GPHN: variants seen among roughly 807,000 people sequenced by gnomAD.
GPHN encodes gephyrin.
A neutral mutation model predicts 95.5 loss-of-function variants in GPHN; 17 were observed. That is an observed-to-expected ratio of 0.18 (90% confidence interval 0.12 to 0.27). GPHN has a LOEUF of 0.27. Among genes scored for constraint, GPHN ranks in the 10% least tolerant of loss-of-function variants. The probability of loss-of-function intolerance (pLI) is 1.00; values close to 1 mark genes in which losing one functional copy is unlikely to be tolerated. For missense variants in GPHN, 660 were observed against 978.1 expected, an observed-to-expected ratio of 0.67 and a Z score of 4.34; for synonymous variants, 320 against 322.5, an observed-to-expected ratio of 0.99 and a Z score of 0.08.
chr14:66,526,778 T>G (rs910003047), intron 1 of GPHN, among the ~76,000 whole-genome samples: 4 of 152,202 alleles, frequency 2.6e-5, no homozygotes, highest in African/African-American at 9.7e-5. Flanking sequence ...AGATTACATT[T>G]ATTGATTTGT....
At chr14:66,887,714 C>T (rs943199857) in intron 5 of GPHN, among the ~76,000 whole-genome samples, 9 of 152,074 alleles carry the variant, frequency 5.9e-5, no homozygotes, top group African/African-American at 2.2e-4. Flanking sequence ...AGAAAAATTA[C>T]AAGGCATATC....
At chr14:66,537,444 AT>A (rs372073957) in intron 1 of GPHN, among the ~76,000 whole-genome samples, 3 of 150,812 alleles carry the variant, frequency 2.0e-5, no homozygotes, top group African/African-American at 2.5e-5. Flanking sequence ...ATAAATCTTG[AT>A]TTTTTTTAGT....
the GPHN span, among the ~76,000 whole-genome samples, chr14:67,274,368 A>G: frequency 6.6e-6 from 1 of 152,204 alleles, no homozygotes; most frequent in Non-Finnish European, 1.5e-5. Context: ...AGCACCATTT[A>G]TTAAATAGGG....
intron 20 of GPHN, among the ~76,000 whole-genome samples, chr14:67,168,106 A>G (rs117382735): frequency 0.012 from 1,833 of 152,352 alleles, 19 homozygotes; most frequent in Non-Finnish European, 0.018. Context: ...GTATTTTCTT[A>G]CAGTTCTGGA....
chr14:67,288,009 G>A, the GPHN span, among the ~76,000 whole-genome samples: 1 of 152,172 alleles, frequency 6.6e-6, no homozygotes, highest in Non-Finnish European at 1.5e-5. Context: ...ATGGCTGCTT[G>A]TTGATTTCAG....
the GPHN span, among the ~76,000 whole-genome samples, chr14:67,684,335 G>A: frequency 2.6e-5 from 4 of 152,124 alleles, no homozygotes; most frequent in African/African-American, 4.8e-5. Flanking sequence ...GTGATGCCTG[G>A]GATTTGCTTC....
chr14:67,558,669 T>G, the GPHN span, among the ~76,000 whole-genome samples: 1 of 152,338 alleles, frequency 6.6e-6, no homozygotes, highest in Non-Finnish European at 1.5e-5. Flanking sequence ...TCAAGAGACC[T>G]GGTTTTAGTC....
chr14:66,654,810 T>C (rs2065225747), intron 1 of GPHN, among the ~76,000 whole-genome samples: 1 of 152,198 alleles, frequency 6.6e-6, no homozygotes, highest in East Asian at 1.9e-4. Context: ...AATGTCCATT[T>C]TGAGTTATTT....
the GPHN span, chr14:67,733,905 C>A: frequency 7.5e-7 from 1 of 1,326,996 alleles, no homozygotes; most frequent in Non-Finnish European, 1.1e-6. Context: ...GAACAGGGAC[C>A]AAGGAGAAGG....
At chr14:67,684,958 C>T in the GPHN span, 2 of 1,465,926 alleles carry the variant, frequency 1.4e-6, no homozygotes, top group Non-Finnish European at 1.8e-6. Context: ...CCAGACAAAC[C>T]CAAATTATCT....
intron 1 of GPHN, among the ~76,000 whole-genome samples, chr14:66,555,640 T>C (rs2059981964): frequency 6.6e-6 from 1 of 152,152 alleles, no homozygotes; most frequent in Non-Finnish European, 1.5e-5. Flanking sequence ...AAAAAAATCC[T>C]GTGAAATAGA....
chr14:67,218,461 G>C, the GPHN span, among the ~76,000 whole-genome samples: 12 of 152,198 alleles, frequency 7.9e-5, no homozygotes, highest in African/African-American at 2.9e-4. Flanking sequence ...CAGCCTGTGG[G>C]CTGTTTCTGA....
chr14:67,533,001 C>T, the GPHN span, among the ~76,000 whole-genome samples: 677 of 152,284 alleles, frequency 4.4e-3, 4 homozygotes, highest in African/African-American at 0.016. Flanking sequence ...ACCCCGCCGC[C>T]CTCCCTGCCG....
the GPHN span, chr14:67,333,516 G>T: frequency 6.6e-6 from 1 of 152,516 alleles, no homozygotes; most frequent in Non-Finnish European, 1.5e-5. Flanking sequence ...AAGCTACTTT[G>T]TTAGGCTTGA....
chr14:67,360,381 G>C, the GPHN span: 5 of 396,438 alleles, frequency 1.3e-5, no homozygotes, highest in Admixed American at 8.8e-5. Flanking sequence ...GGCCGGTGAG[G>C]GGGAAGCAAG....
intron 11 of GPHN, among the ~76,000 whole-genome samples, chr14:67,071,979 G>T (rs2076329716): frequency 6.6e-6 from 1 of 151,924 alleles, no homozygotes; most frequent in Non-Finnish European, 1.5e-5. Context: ...TATACTTGTG[G>T]TTAAAATAAG....
At chr14:67,201,671 T>C in the GPHN span, 1 of 385,032 alleles carries the variant, frequency 2.6e-6, no homozygotes, top group Non-Finnish European at 5.2e-6. Context: ...ATCCCTGAGC[T>C]GGGTCATCAT....
intron 8 of GPHN, among the ~76,000 whole-genome samples, chr14:66,950,405 G>A (rs1398431875): frequency 6.6e-6 from 1 of 152,024 alleles, no homozygotes; most frequent in African/African-American, 2.4e-5. Flanking sequence ...CTTTGCTCTT[G>A]ACTCAATTTC....
At chr14:66,870,067 A>C (rs1466624292) in intron 4 of GPHN, among the ~76,000 whole-genome samples, 2 of 152,228 alleles carry the variant, frequency 1.3e-5, no homozygotes, top group Non-Finnish European at 2.9e-5. Context: ...CTGACTTCAT[A>C]GATGATGATC....
Sources: gnomAD v4.1 joint callset for allele counts (sites outside exome capture counted in the v4.1 genomes callset) on GRCh38, gnomAD v4.1.1 for gene constraint, MANE v1.5 for transcripts, NCBI Gene and HGNC (gene_info 2026-07-23, HGNC 2026-07-21) for gene names.